The following GRM5 variants were observed in gnomAD, a reference collection of about 807,000 sequenced individuals.
GRM5 encodes metabotropic glutamate receptor 5.
In GRM5, 19 loss-of-function variants were observed where a neutral mutation model predicts 83.1. That is an observed-to-expected ratio of 0.23 (90% CI 0.16 to 0.34). The LOEUF (loss-of-function observed/expected upper bound fraction) is 0.34. Ranked by LOEUF, GRM5 falls within the 10% of genes least tolerant of loss-of-function variation. The probability of loss-of-function intolerance (pLI) is 1.00; values close to 1 mark genes in which losing one functional copy is unlikely to be tolerated. For missense variants in GRM5, 1,160 were observed against 1,588.3 expected (o/e 0.73, Z 4.58); for synonymous variants, 675 against 633.6 (o/e 1.07, Z -0.98).
At chr11:88,853,264 C>G (rs1425350449) in intron 2 of GRM5, among the ~76,000 whole-genome samples, 1 of 151,996 alleles carries the variant, frequency 6.6e-6, no homozygotes, top group African/African-American at 2.4e-5. Flanking sequence ...CACCTATAGA[C>G]AAATGGAAAA....
chr11:88,807,940 TA>T (rs1353336430), intron 3 of GRM5, among the ~76,000 whole-genome samples: 2 of 152,074 alleles, frequency 1.3e-5, no homozygotes, highest in Non-Finnish European at 2.9e-5. Context: ...TGTTATCATT[TA>T]TAGAATAATT....
At chr11:88,596,253 CT>C (rs1937802287) in intron 6 of GRM5, among the ~76,000 whole-genome samples, 1 of 152,162 alleles carries the variant, frequency 6.6e-6, no homozygotes, top group Non-Finnish European at 1.5e-5. Flanking sequence ...CTTCTGGCCC[CT>C]TTTCATTCTG....
chr11:88,686,670 T>C (rs1446118025), intron 3 of GRM5, among the ~76,000 whole-genome samples: 1 of 152,132 alleles, frequency 6.6e-6, no homozygotes. Flanking sequence ...CCCCATACTG[T>C]CCTTACGGTA....
At chr11:88,968,937 A>G (rs1000457685) in intron 2 of GRM5, among the ~76,000 whole-genome samples, 3 of 152,116 alleles carry the variant, frequency 2.0e-5, no homozygotes. Context: ...ATGTAGTAAC[A>G]ATAAGATTAG....
At chr11:88,696,230 C>CA (rs1399164385) in intron 3 of GRM5, among the ~76,000 whole-genome samples, 2 of 152,120 alleles carry the variant, frequency 1.3e-5, no homozygotes, top group African/African-American at 4.8e-5. Flanking sequence ...GATGGTCTGC[C>CA]AGCGTCTGCT....
intron 3 of GRM5, among the ~76,000 whole-genome samples, chr11:88,805,263 C>T (rs1360104174): frequency 6.6e-6 from 1 of 152,166 alleles, no homozygotes; most frequent in African/African-American, 2.4e-5. Context: ...GTAATCTCGG[C>T]TCACTGCAAC....
intron 3 of GRM5, among the ~76,000 whole-genome samples, chr11:88,747,292 G>T (rs1055049109): frequency 1.3e-4 from 20 of 152,174 alleles, no homozygotes; most frequent in Non-Finnish European, 2.5e-4. Flanking sequence ...AGCATAACAA[G>T]CTGGGTAACA....
chr11:88,749,105 A>G (rs184002132), intron 3 of GRM5, among the ~76,000 whole-genome samples: 33 of 152,314 alleles, frequency 2.2e-4, no homozygotes, highest in Admixed American at 1.6e-3. Context: ...AGATGGCTGA[A>G]TTGACAGAAG....
chr11:88,907,979 T>C (rs1331322271), intron 2 of GRM5, among the ~76,000 whole-genome samples: 1 of 152,122 alleles, frequency 6.6e-6, no homozygotes, highest in Non-Finnish European at 1.5e-5. Context: ...AAAAATATTA[T>C]CTGAGGAGAC....
chr11:89,020,872 C>A (rs1940966677), intron 2 of GRM5, among the ~76,000 whole-genome samples: 1 of 152,098 alleles, frequency 6.6e-6, no homozygotes, highest in Non-Finnish European at 1.5e-5. Flanking sequence ...TCTTATTTGG[C>A]AGGAAAAAGA....
At chr11:88,942,249 G>T (rs1017767116) in intron 2 of GRM5, among the ~76,000 whole-genome samples, 2 of 152,000 alleles carry the variant, frequency 1.3e-5, no homozygotes, top group Non-Finnish European at 2.9e-5. Context: ...TTGATGAAAT[G>T]TCATGACATT....
At chr11:88,755,697 T>C (rs547570466) in intron 3 of GRM5, among the ~76,000 whole-genome samples, 10 of 152,258 alleles carry the variant, frequency 6.6e-5, no homozygotes, top group South Asian at 2.1e-4. Flanking sequence ...GCCTCTATGA[T>C]CTTTAAGTAG....
intron 1 of GRM5, among the ~76,000 whole-genome samples, chr11:89,050,430 G>C (rs567503205): frequency 1.3e-5 from 2 of 152,132 alleles, no homozygotes; most frequent in South Asian, 2.1e-4. Flanking sequence ...ATACTTGTGG[G>C]CCTTACATAT....
At chr11:88,993,965 G>T (rs376606237) in intron 2 of GRM5, among the ~76,000 whole-genome samples, 1 of 151,984 alleles carries the variant, frequency 6.6e-6, no homozygotes, top group Non-Finnish European at 1.5e-5. Context: ...CAACTCTCTC[G>T]CTTTGGCCTC....
At chr11:88,680,978 C>A (rs1460904480) in intron 3 of GRM5, among the ~76,000 whole-genome samples, 1 of 152,200 alleles carries the variant, frequency 6.6e-6, no homozygotes, top group East Asian at 1.9e-4. Flanking sequence ...AGGAAGTATG[C>A]AATATTCTGT....
At chr11:89,013,920 A>T in intron 2 of GRM5, among the ~76,000 whole-genome samples, 1 of 152,198 alleles carries the variant, frequency 6.6e-6, no homozygotes, top group East Asian at 1.9e-4. Context: ...ACACTTATTC[A>T]TGTAGCCTCC....
intron 4 of GRM5, among the ~76,000 whole-genome samples, chr11:88,626,818 C>T (rs1240829648): frequency 1.3e-5 from 2 of 151,932 alleles, no homozygotes. Context: ...AAAGAAGATA[C>T]AAAAAAAATT....
At chr11:88,901,451 C>T (rs1323962197) in intron 2 of GRM5, among the ~76,000 whole-genome samples, 1 of 152,142 alleles carries the variant, frequency 6.6e-6, no homozygotes, top group Non-Finnish European at 1.5e-5. Flanking sequence ...TTCTTTCTGA[C>T]TCTAATCTCT....
At chr11:88,836,060 G>GT (rs759690654) in intron 3 of GRM5, among the ~76,000 whole-genome samples, 4 of 152,078 alleles carry the variant, frequency 2.6e-5, no homozygotes, top group Non-Finnish European at 5.9e-5. Context: ...AAAAAGTGGA[G>GT]TTTATGTGCA....
Sources: allele counts gnomAD v4.1 joint callset (sites outside exome capture counted in the v4.1 genomes callset), GRCh38; gene constraint gnomAD v4.1.1; transcripts MANE v1.5; gene names NCBI Gene and HGNC (gene_info 2026-07-23, HGNC 2026-07-21).